FBXO46: variants seen among roughly 807,000 people sequenced by gnomAD.
The protein encoded by FBXO46 is F-box protein 46.
In FBXO46, 13 loss-of-function variants were observed where a neutral mutation model predicts 30.7. The observed-to-expected ratio is 0.42, with a 90% CI of 0.28 to 0.67. The LOEUF is 0.67. FBXO46 is among the 30% of genes least tolerant of loss of function. The pLI, the probability that FBXO46 is intolerant of heterozygous loss-of-function variation, is 0.21. For missense variants in FBXO46, 754 were observed against 871.5 expected (o/e 0.87, Z 1.70); for synonymous variants, 467 against 385.8 (o/e 1.21, Z -2.47).
upstream of FBXO46, among the ~76,000 whole-genome samples, chr19:45,731,602 A>G (rs1340940960): frequency 6.7e-6 from 1 of 149,286 alleles, no homozygotes; most frequent in African/African-American, 2.4e-5. Flanking sequence ...GGCGTGAGCC[A>G]CCGCGCCCGG....
chr19:45,722,512 C>T (rs556819836), intron 1 of FBXO46, among the ~76,000 whole-genome samples: 1 of 152,224 alleles, frequency 6.6e-6, no homozygotes, highest in South Asian at 2.1e-4. Context: ...CCTGTAATCC[C>T]AGCACTTTGG....
At chr19:45,722,282 A>G (rs954299261) in intron 1 of FBXO46, among the ~76,000 whole-genome samples, 2 of 152,106 alleles carry the variant, frequency 1.3e-5, no homozygotes, top group African/African-American at 4.8e-5. Context: ...AAGCCCTGAG[A>G]TCCTGGAAGC....
Position 45,713,108 on chromosome 19 carries a change from T to C in FBXO46, c.388A>G (p.Lys130Glu). Residue 130 changes from lysine (K) to glutamate (E), a missense_variant, in exon 2 of 2, where the codon AAG becomes GAG. By Grantham distance (56) the Lys-to-Glu change is moderately conservative. Coordinates refer to ENST00000317683, the MANE Select transcript of FBXO46 (RefSeq NM_001080469.2). The surrounding 1 kb of genome is among the most constrained non-coding windows in gnomAD (Gnocchi z 4.7). ...VKGHWGSDSS[K>E]AKRRRRCLDP... ...AGACAGCGCCTCCGCCGCTTGGCCT[T>C]GGAGCTATCGCTGCCCCAGTGCCCC... is the stretch of plus-strand genomic sequence containing the variant. The C allele has an allele frequency of 6.2e-7, 1 of 1,610,832 alleles. No homozygotes were observed.
At chr19:45,722,253 C>G (rs1449729010) in intron 1 of FBXO46, among the ~76,000 whole-genome samples, 1 of 152,098 alleles carries the variant, frequency 6.6e-6, no homozygotes, top group Non-Finnish European at 1.5e-5. Flanking sequence ...CTAATGGTCC[C>G]TGAAGGCAGG....
rs1162849248 is a variant in FBXO46 at position 45,712,772 on chromosome 19, G to C, written c.724C>G (p.Pro242Ala). The change falls in exon 2 of 2, where the codon CCC becomes GCC. Residue 242 changes from proline (P) to alanine (A), a missense_variant. Coordinates refer to ENST00000317683, the MANE Select transcript of FBXO46 (RefSeq NM_001080469.2). The surrounding 1 kb of genome is among the most constrained non-coding windows in gnomAD (Gnocchi z 8.8). ...TCTTCCTTGCGGAGGCCCTTGGTGG[G>C]AGGGCTGTCCCTCTGCGCTTCAAAG... Reference protein sequence around the residue: ...AHFEAQRDSPPTKGLRKEERP... With the variant: ...AHFEAQRDSPATKGLRKEERP... 11 of 1,611,136 alleles carry C rather than the reference G, an allele frequency of 6.8e-6. No homozygotes were observed. In the African/African-American group the frequency reaches 1.2e-4, roughly 18 times the overall value.
intron 1 of FBXO46, among the ~76,000 whole-genome samples, chr19:45,722,831 C>T (rs1052963106): frequency 2.0e-5 from 3 of 150,872 alleles, no homozygotes; most frequent in Middle Eastern, 3.5e-3. Flanking sequence ...GAGGCTGAAG[C>T]GGGCACTTGA....
At chr19:45,719,669 G>A (rs1568547824) in intron 1 of FBXO46, among the ~76,000 whole-genome samples, 1 of 152,196 alleles carries the variant, frequency 6.6e-6, no homozygotes, top group Non-Finnish European at 1.5e-5. Context: ...CATACATGGT[G>A]CATTTGCAAA....
chr19:45,713,095 C>T lies in FBXO46; in HGVS notation c.401G>A (p.Arg134Gln), dbSNP rs775580429. 7 of 1,603,250 alleles carry T rather than the reference C, an allele frequency of 4.4e-6. No homozygotes were observed. In the South Asian group the frequency reaches 4.4e-5, roughly 10 times the overall value. The change falls in exon 2 of 2, where the codon CGG (arginine) becomes CAG (glutamine). Residue 134 changes from arginine (R) to glutamine (Q), a missense_variant. Arg to Gln is a conservative substitution (Grantham distance 43). This residue lies in a region of FBXO46 where 39 missense variants were observed against 56.5 expected (regional missense o/e 0.69). Coordinates refer to ENST00000317683, the MANE Select transcript of FBXO46 (RefSeq NM_001080469.2). This position sits in a 1 kb window ranked among gnomAD's most constrained non-coding sequence, Gnocchi z 4.7. Reference sequence around the variant, plus strand: ...CTTGGTGGGGTCAAGACAGCGCCTCCGCCGCTTGGCCTTGGAGCTATCGCT... The same window carrying T: ...CTTGGTGGGGTCAAGACAGCGCCTCTGCCGCTTGGCCTTGGAGCTATCGCT... ...WGSDSSKAKR[R>Q]RRCLDPTKAP...
In FBXO46 at chr19:45,730,895, T is replaced by C. The variant is rs1229318614; in HGVS notation, c.-125A>G. The C allele has an allele frequency of 6.6e-6, 1 of 152,222 alleles. No homozygotes were observed. Among genetic ancestry groups the C allele is most frequent in the African/African-American group, 2.4e-5 (1 of 41,366 alleles). The allele number at this position is 152,222 out of a possible 1,614,324, so 9.4% of individuals were successfully genotyped here. ...CCTCGGCTACGCGGGTTTCCCCCAC[T>C]CGCTCCTCTCCAGCCTCCCCTTCCG... On this transcript the variant is annotated 5_prime_UTR_variant, in exon 1 of 2. Coordinates refer to ENST00000317683, the MANE Select transcript of FBXO46 (RefSeq NM_001080469.2).
At chr19:45,728,505 G>C (rs1293438908) in intron 1 of FBXO46, among the ~76,000 whole-genome samples, 1 of 152,100 alleles carries the variant, frequency 6.6e-6, no homozygotes, top group Admixed American at 6.6e-5. Flanking sequence ...TAGGGTTACT[G>C]ATCCCATTTT....
At chr19:45,714,810 C>T (rs1266886457) in intron 1 of FBXO46, 2 of 152,124 alleles carry the variant, frequency 1.3e-5, no homozygotes, top group Non-Finnish European at 2.9e-5. Context: ...GGGAGTATCG[C>T]TTGAGCCCAG....
chr19:45,721,995 C>T (rs1968178842), intron 1 of FBXO46, among the ~76,000 whole-genome samples: 2 of 151,968 alleles, frequency 1.3e-5, no homozygotes, highest in South Asian at 2.1e-4. Flanking sequence ...GGCTAATTTT[C>T]GTATTTTTAG....
chr19:45,723,682 C>T (rs1047295131), intron 1 of FBXO46, among the ~76,000 whole-genome samples: 1 of 151,832 alleles, frequency 6.6e-6, no homozygotes, highest in Non-Finnish European at 1.5e-5. Context: ...TTTTCTTAGA[C>T]GCAGTCTCAC....
chr19:45,723,846 G>C (rs1416171891), intron 1 of FBXO46, among the ~76,000 whole-genome samples: 1 of 151,830 alleles, frequency 6.6e-6, no homozygotes, highest in African/African-American at 2.4e-5. Context: ...TTTTAGTAGA[G>C]ACAGGGTTTC....
chr19:45,728,986 C>T (rs1968274366), intron 1 of FBXO46, among the ~76,000 whole-genome samples: 1 of 151,402 alleles, frequency 6.6e-6, no homozygotes, highest in South Asian at 2.1e-4. Context: ...TGGCGCATGC[C>T]TGCAATCTCA....
upstream of FBXO46, among the ~76,000 whole-genome samples, chr19:45,732,791 A>G (rs1458791903): frequency 6.6e-6 from 1 of 151,486 alleles, no homozygotes; most frequent in African/African-American, 2.4e-5. Context: ...GGGTTTCACC[A>G]TTGTTGGCCA....
At chr19:45,729,385 A>G (rs548055486) in intron 1 of FBXO46, among the ~76,000 whole-genome samples, 1 of 152,350 alleles carries the variant, frequency 6.6e-6, no homozygotes, top group South Asian at 2.1e-4. Flanking sequence ...TAGCCATACC[A>G]CTGCACTCCA....
At chr19:45,726,710 T>C (rs1968244829) in intron 1 of FBXO46, among the ~76,000 whole-genome samples, 1 of 152,102 alleles carries the variant, frequency 6.6e-6, no homozygotes, top group Admixed American at 6.6e-5. Context: ...TTCAAACTCC[T>C]GAGTTCCACT....
At position 45,713,249 on chromosome 19, in the gene FBXO46, G is replaced by T; in HGVS notation, c.247C>A (p.Arg83=). The change falls in exon 2 of 2, where the codon CGA becomes AGA. Residue 83 remains arginine (R), a synonymous_variant. Coordinates refer to ENST00000317683, the MANE Select transcript of FBXO46 (RefSeq NM_001080469.2). This position sits in a 1 kb window ranked among gnomAD's most constrained non-coding sequence, Gnocchi z 4.7. ...ACATACCACGTGTCCAGGAGGACTCGACCCTCATCACCAGCAGCTGCTGCT... is the reference window on the plus strand; with the variant it reads ...ACATACCACGTGTCCAGGAGGACTCTACCCTCATCACCAGCAGCTGCTGCT... ...LSAAAAGDEG[R]VLLDTWYVIK... 4 of 1,613,898 alleles carry T rather than the reference G, an allele frequency of 2.5e-6. No homozygotes were observed. In the South Asian group the frequency reaches 4.4e-5, roughly 18 times the overall value.
Sources: gnomAD v4.1 joint callset for allele counts (sites outside exome capture counted in the v4.1 genomes callset) on GRCh38, gnomAD v4.1.1 for gene constraint, gnomAD v4.1.1 regional missense constraint, Gnocchi (gnomAD v3.1) non-coding constraint, MANE v1.5 for transcripts, NCBI Gene and HGNC (gene_info 2026-07-23, HGNC 2026-07-21) for gene names.